PAM: variants seen among roughly 807,000 people sequenced by gnomAD.
The protein encoded by PAM is peptidylglycine alpha-amidating monooxygenase, also known as peptidyl-glycine alpha-amidating monooxygenase.
A neutral mutation model predicts 122.1 loss-of-function variants in PAM; 72 were observed. The observed-to-expected ratio is 0.59, with a 90% CI of 0.49 to 0.72. The LOEUF (loss-of-function observed/expected upper bound fraction) is 0.72, where lower values mean the gene tolerates loss of function less well. Ranked by LOEUF, PAM falls within the 30% of genes least tolerant of loss-of-function variation. The pLI is 0.00. For missense variants in PAM, 1,106 were observed against 1,183.7 expected, an observed-to-expected ratio of 0.93 and a Z score of 0.96; for synonymous variants, 389 against 404.4, an observed-to-expected ratio of 0.96 and a Z score of 0.46.
intron 25 of PAM, 58 bp from the exon 26 acceptor site, chr5:103,028,829 A>C (rs1785745754): frequency 9.7e-7 from 1 of 1,034,638 alleles, no homozygotes; most frequent in Admixed American, 2.7e-5. Flanking sequence ...AGAATTTACA[A>C]GGTAACAGAC....
intron 4 of PAM, among the ~76,000 whole-genome samples, chr5:102,912,611 A>T (rs767526978): frequency 8.6e-5 from 13 of 150,820 alleles, no homozygotes; most frequent in Middle Eastern, 6.8e-3. Flanking sequence ...CTTCATGATG[A>T]TAAGGACTTT....
chr5:102,795,757 G>T lies in PAM; in HGVS notation c.-374+40409G>T, dbSNP rs891431298. Among the ~76,000 whole-genome samples, 10 of 152,242 alleles carry T rather than the reference G, an allele frequency of 6.6e-5. No individual in the cohort carries two copies. The South Asian group carries it at 2.1e-3, about 32-fold the overall frequency. ...AAAGTCACAAAAATATGTATAATTT[G>T]GTCTTCAGCCATAAAATAAATGGCA... On this transcript the variant is annotated intron_variant, in intron 1 of 25. Transcript: ENST00000438793.
At chr5:102,803,019 A>G (rs1765185675) in intron 1 of PAM, among the ~76,000 whole-genome samples, 1 of 152,042 alleles carries the variant, frequency 6.6e-6, no homozygotes, top group African/African-American at 2.4e-5. Flanking sequence ...GCTACTCGAG[A>G]GTCTAAAGTG....
chr5:103,005,734 TC>T (rs1302169692), intron 18 of PAM, among the ~76,000 whole-genome samples: 1 of 152,206 alleles, frequency 6.6e-6, no homozygotes, highest in Middle Eastern at 3.2e-3. Flanking sequence ...TCCATAACAA[TC>T]CACATCTGAA....
chr5:103,011,343 G>A (rs1011012443), intron 21 of PAM, among the ~76,000 whole-genome samples: 20 of 149,460 alleles, frequency 1.3e-4, no homozygotes, highest in African/African-American at 3.9e-4. Flanking sequence ...CTAACCCCCC[G>A]CCACACACAC....
chr5:102,976,164 A>G (rs1767594932), intron 15 of PAM, among the ~76,000 whole-genome samples: 2 of 152,180 alleles, frequency 1.3e-5, no homozygotes. Context: ...GCAAATTAAT[A>G]AAGGAACATG....
At chr5:102,940,284 C>T (rs1423412989) in intron 7 of PAM, among the ~76,000 whole-genome samples, 2 of 151,534 alleles carry the variant, frequency 1.3e-5, no homozygotes, top group Non-Finnish European at 2.9e-5. Context: ...AATCAAAGCT[C>T]TTCAATCCCT....
chr5:102,862,021 T>C (rs891885986), intron 1 of PAM, among the ~76,000 whole-genome samples: 1 of 151,906 alleles, frequency 6.6e-6, no homozygotes, highest in South Asian at 2.1e-4. Flanking sequence ...AATACAAATA[T>C]TAGCAGGACA....
chr5:103,001,531 G>A (rs1294643902), intron 16 of PAM, among the ~76,000 whole-genome samples: 1 of 152,022 alleles, frequency 6.6e-6, no homozygotes, highest in Non-Finnish European at 1.5e-5. Flanking sequence ...GAGTATTACT[G>A]AAGTTTTAGA....
intron 6 of PAM, among the ~76,000 whole-genome samples, chr5:102,925,779 T>TAA (rs202164063): frequency 7.0e-6 from 1 of 143,332 alleles, no homozygotes; most frequent in African/African-American, 2.5e-5. Flanking sequence ...GAGATTTGTT[T>TAA]AAAAAAAAAA....
intron 16 of PAM, among the ~76,000 whole-genome samples, chr5:102,996,666 C>T (rs1379816254): frequency 1.3e-5 from 2 of 152,158 alleles, no homozygotes; most frequent in Non-Finnish European, 2.9e-5. Context: ...TAGGACTGGT[C>T]AACCAATCAT....
intron 1 of PAM, among the ~76,000 whole-genome samples, chr5:102,779,021 T>G (rs1167798010): frequency 6.6e-6 from 1 of 152,158 alleles, no homozygotes; most frequent in African/African-American, 2.4e-5. Flanking sequence ...TGGGCTTCTC[T>G]CTGTGCCTCT....
chr5:102,854,347 TCTATA>T, intron 1 of PAM, among the ~76,000 whole-genome samples: 1 of 152,346 alleles, frequency 6.6e-6, no homozygotes, highest in South Asian at 2.1e-4. Flanking sequence ...GAATGACTTC[TCTATA>T]CTATACTGCC....
intron 5 of PAM, among the ~76,000 whole-genome samples, chr5:102,916,813 A>G (rs1475418956): frequency 6.6e-6 from 1 of 150,554 alleles, no homozygotes; most frequent in Non-Finnish European, 1.5e-5. Flanking sequence ...GCTCACTGCA[A>G]CCTCCACCTC....
chr5:102,873,009 C>G (rs1788021230), intron 3 of PAM, among the ~76,000 whole-genome samples: 1 of 151,970 alleles, frequency 6.6e-6, no homozygotes, highest in Non-Finnish European at 1.5e-5. Flanking sequence ...GTACACCAAA[C>G]CCCCATGACA....
intron 21 of PAM, among the ~76,000 whole-genome samples, chr5:103,012,005 A>G (rs1780769334): frequency 6.6e-6 from 1 of 152,170 alleles, no homozygotes; most frequent in African/African-American, 2.4e-5. Context: ...CATTTCTCTG[A>G]TGATCAATGA....
intron 12 of PAM, among the ~76,000 whole-genome samples, chr5:102,952,964 A>G (rs1759446631): frequency 6.6e-6 from 1 of 152,134 alleles, no homozygotes; most frequent in Non-Finnish European, 1.5e-5. Context: ...ACACTTAACT[A>G]AGGATAGGCT....
chr5:102,759,134 A>G (rs1475610932), intron 1 of PAM, among the ~76,000 whole-genome samples: 2 of 152,250 alleles, frequency 1.3e-5, no homozygotes, highest in Non-Finnish European at 2.9e-5. Context: ...TTAAAAAATT[A>G]TAATGCCATA....
At chr5:102,918,590 C>G (rs1299989348) in intron 5 of PAM, among the ~76,000 whole-genome samples, 3 of 151,988 alleles carry the variant, frequency 2.0e-5, no homozygotes, top group Non-Finnish European at 4.4e-5. Context: ...TTGTATTCAT[C>G]TATTCTATGA....
Sources: gnomAD v4.1 joint callset for allele counts (sites outside exome capture counted in the v4.1 genomes callset) on GRCh38, gnomAD v4.1.1 for gene constraint, MANE v1.5 for transcripts, NCBI Gene and HGNC (gene_info 2026-07-23, HGNC 2026-07-21) for gene names.